YTHDF2: variants seen among roughly 807,000 people sequenced by gnomAD.
YTHDF2 encodes the protein YTH N6-methyladenosine RNA binding protein F2.
A neutral mutation model predicts 50.4 loss-of-function variants in YTHDF2; 2 were observed. That is an observed-to-expected ratio of 0.04 (90% CI 0.02 to 0.12). The LOEUF (loss-of-function observed/expected upper bound fraction) is 0.12. YTHDF2 is among the 10% of genes least tolerant of loss of function. The pLI is 1.00. For missense variants in YTHDF2, 483 were observed against 722.6 expected (o/e 0.67, Z 3.80); for synonymous variants, 217 against 255.6 (o/e 0.85, Z 1.44).
chr1:28,754,216 T>C (rs2088002362), intron 4 of YTHDF2, among the ~76,000 whole-genome samples: 1 of 152,140 alleles, frequency 6.6e-6, no homozygotes. Context: ...AATGGAAGCT[T>C]AGGAAAGCAA....
rs60729215 is a variant in YTHDF2 at position 28,749,179 on chromosome 1, C to CTT, written c.1716+5215_1716+5216dup. Reference sequence around the variant, plus strand: ...AACAGTTAAGAGCCTTTCTTTCTTCCTTTTTTTTTTTTTTTTTTTTTTTGA... The same window carrying CTT: ...AACAGTTAAGAGCCTTTCTTTCTTCCTTTTTTTTTTTTTTTTTTTTTTTTTGA... On this transcript the variant is annotated intron_variant, in intron 4 of 4. Transcript: ENST00000373812. 3.6e-3 allele frequency among the ~76,000 whole-genome samples: 390 copies of CTT among 107,408 alleles called. 12 individuals carry two copies. Among genetic ancestry groups the CTT allele is most frequent in the African/African-American group, 0.012 (314 of 26,834 alleles). The allele number at this position is 107,408 out of a possible 152,430, so 70.5% of individuals were successfully genotyped here. A position where few individuals can be genotyped will look rare whatever the true frequency, so the allele number is the denominator to read the frequency against.
chr1:28,763,313 G>T lies in YTHDF2; in HGVS notation c.1717-5616G>T, dbSNP rs59640675. 9.5e-3 allele frequency among the ~76,000 whole-genome samples: 1,441 copies of T among 152,064 alleles called. 22 individuals are homozygous for T. Among genetic ancestry groups the T allele is most frequent in the African/African-American group, 0.033 (1,348 of 41,466 alleles). On this transcript the variant is annotated intron_variant, in intron 4 of 4. Transcript: ENST00000373812. ...ATTTGAGACAGAGTTTTGCTCTTTT[G>T]CCCAGGCTGGAGTGAAGTGGCGTGA... is the stretch of plus-strand genomic sequence containing the variant.
In YTHDF2 at chr1:28,742,613, C is replaced by T; in HGVS notation, c.343C>T (p.Pro115Ser). The change falls in exon 4 of 5, where the codon CCA becomes TCA. Residue 115 changes from proline (P) to serine (S), a missense_variant. Pro to Ser is a moderately conservative substitution (Grantham distance 74). Coordinates refer to ENST00000373812, the MANE Select transcript of YTHDF2 (RefSeq NM_016258.3). ...GCAACCAGGAGCCCTAGGTAGCACT[C>T]CATTTCTTGGTCAGCATGGTTTTAA... is the stretch of plus-strand genomic sequence containing the variant. ...FGQPGALGST[P>S]FLGQHGFNFF... The T allele has an allele frequency of 6.2e-7, 1 of 1,614,010 alleles. No individual in the cohort carries two copies. The highest frequency in any genetic ancestry group is 8.5e-7 in the Non-Finnish European group (1 of 1,179,956).
intron 3 of YTHDF2, among the ~76,000 whole-genome samples, chr1:28,742,046 A>ATTTTT (rs2087784204): frequency 9.9e-6 from 1 of 100,678 alleles, no homozygotes; most frequent in Admixed American, 1.1e-4. Flanking sequence ...TGTGCTGCAC[A>ATTTTT]CTTTTTTTTT....
At chr1:28,749,986 G>GGTTTTTT (rs762743600) in intron 4 of YTHDF2, among the ~76,000 whole-genome samples, 3 of 78,332 alleles carry the variant, frequency 3.8e-5, no homozygotes, top group Non-Finnish European at 6.7e-5. Context: ...AAAAAAGGTT[G>GGTTTTTT]TTTTTTTTTT....
In YTHDF2 at chr1:28,742,524, A is replaced by T. The variant is rs202034293; in HGVS notation, c.254A>T (p.Tyr85Phe). Residue 85 changes from tyrosine to phenylalanine, a missense_variant, in exon 4 of 5, where the codon TAC becomes TTC. By Grantham distance (22) the Tyr-to-Phe change is conservative (BLOSUM62 3). Around this residue, in one of 4 missense-constraint regions of YTHDF2, gnomAD observed 385 missense variants for 475.8 expected, o/e 0.81. Coordinates refer to ENST00000373812, the MANE Select transcript of YTHDF2 (RefSeq NM_016258.3). ...ACGGGGGGTGACACAGCCATGCCCT[A>T]CTTAACTTCTTATGGACAGCTGAGC... Reference protein sequence around the residue: ...WSTGGDTAMPYLTSYGQLSNG... With the variant: ...WSTGGDTAMPFLTSYGQLSNG... The T allele has an allele frequency of 9.5e-5, 154 of 1,613,746 alleles. No individual in the cohort carries two copies. Among genetic ancestry groups the T allele is most frequent in the Non-Finnish European group, 1.3e-4 (148 of 1,179,972 alleles).
At chr1:28,737,778 G>A in intron 2 of YTHDF2, 96 bp downstream of exon 2, 1 of 1,484,482 alleles carries the variant, frequency 6.7e-7, no homozygotes, top group South Asian at 1.2e-5. Context: ...AGGACCTTTC[G>A]GAAGCCGCTT....
chr1:28,740,849 G>A (rs2087765125), intron 3 of YTHDF2, among the ~76,000 whole-genome samples: 1 of 151,482 alleles, frequency 6.6e-6, no homozygotes, highest in African/African-American at 2.4e-5. Flanking sequence ...GACTACAGGC[G>A]CCCGCCACCA....
intron 2 of YTHDF2, 133 bp from the exon 3 acceptor site, chr1:28,738,126 T>C: frequency 1.4e-6 from 1 of 691,290 alleles, no homozygotes; most frequent in Non-Finnish European, 2.5e-6. Context: ...CACTGTCATC[T>C]CTTACCCTTT....
intron 4 of YTHDF2, among the ~76,000 whole-genome samples, chr1:28,765,262 A>C (rs1488668427): frequency 2.0e-5 from 3 of 152,078 alleles, no homozygotes; most frequent in African/African-American, 7.2e-5. Context: ...TCGGCCTCAA[A>C]GTACTGAGAT....
chr1:28,737,548 C>T (rs1008087756), intron 1 of YTHDF2, 110 bp from the exon 2 acceptor site: 17 of 1,464,956 alleles, frequency 1.2e-5, no homozygotes, highest in African/African-American at 5.6e-5. Context: ...TGACGCCTCC[C>T]CTCGGGCCTG....
In YTHDF2 at chr1:28,738,267, G is replaced by A. The variant is rs1557537715; in HGVS notation, c.61G>A (p.Gly21Arg). The change falls in exon 3 of 5, where the codon GGA becomes AGA. Residue 21 changes from glycine to arginine, a missense_variant. Gly to Arg is a moderately radical substitution (Grantham distance 125, BLOSUM62 -2). This residue lies in a region of YTHDF2 where 385 missense variants were observed against 475.8 expected (regional missense o/e 0.81). Coordinates refer to ENST00000373812, the MANE Select transcript of YTHDF2 (RefSeq NM_016258.3). ...AATTTTTTTTTCTTTAGTACAAAATGGATCTGTACATCAAAAGGATGGATT... is the reference window on the plus strand; with the variant it reads ...AATTTTTTTTTCTTTAGTACAAAATAGATCTGTACATCAAAAGGATGGATT... ...PKGQGNKVQNGSVHQKDGLND... is the reference protein window; with the variant it reads ...PKGQGNKVQNRSVHQKDGLND... The A allele has an allele frequency of 6.2e-7, 1 of 1,613,538 alleles. No individual in the cohort carries two copies. The highest frequency in any genetic ancestry group is 1.3e-5 in the African/African-American group (1 of 74,992).
chr1:28,757,889 C>A (rs1311179613), intron 4 of YTHDF2, among the ~76,000 whole-genome samples: 1 of 151,984 alleles, frequency 6.6e-6, no homozygotes, highest in African/African-American at 2.4e-5. Flanking sequence ...ATAATATTTA[C>A]CCATATTTAG....
In YTHDF2 at chr1:28,742,610, A is replaced by G; in HGVS notation, c.340A>G (p.Thr114Ala). The change falls in exon 4 of 5, where the codon ACT becomes GCT. Residue 114 changes from threonine (T) to alanine (A), a missense_variant. Around this residue, in one of 4 missense-constraint regions of YTHDF2, gnomAD observed 385 missense variants for 475.8 expected, o/e 0.81. Coordinates refer to ENST00000373812, the MANE Select transcript of YTHDF2 (RefSeq NM_016258.3). ...MFGQPGALGS[T>A]PFLGQHGFNF... Reference sequence around the variant, plus strand: ...TGGGCAACCAGGAGCCCTAGGTAGCACTCCATTTCTTGGTCAGCATGGTTT... The same window carrying G: ...TGGGCAACCAGGAGCCCTAGGTAGCGCTCCATTTCTTGGTCAGCATGGTTT... 1 of 1,613,552 alleles carries G rather than the reference A, an allele frequency of 6.2e-7. No homozygotes were observed. Among genetic ancestry groups the G allele is most frequent in the Non-Finnish European group, 8.5e-7 (1 of 1,179,862 alleles).
In YTHDF2 at chr1:28,756,252, G is replaced by A. The variant is rs74669028; in HGVS notation, c.1716+12266G>A. Among the ~76,000 whole-genome samples, 143 of 152,276 alleles carry A rather than the reference G, an allele frequency of 9.4e-4. 3 individuals carry two copies. In the East Asian group the frequency reaches 0.024, roughly 25 times the overall value. ...ACAGAGTTGAATATGAAGAATGGCA[G>A]CATTTTGATTTTGATGTGGCTAAAG... is the stretch of plus-strand genomic sequence containing the variant. On this transcript the variant is annotated intron_variant, in intron 4 of 4. Coordinates refer to ENST00000373812, the MANE Select transcript of YTHDF2 (RefSeq NM_016258.3).
In YTHDF2 at chr1:28,737,142, G is replaced by A. The variant is rs1308604245; in HGVS notation, c.22G>A (p.Glu8Lys). The change falls in exon 1 of 5, where the codon GAG becomes AAG. Residue 8 changes from glutamate to lysine, a missense_variant. By Grantham distance (56) the Glu-to-Lys change is moderately conservative (BLOSUM62 1). This residue lies in a region of YTHDF2 where 385 missense variants were observed against 475.8 expected (regional missense o/e 0.81). Coordinates refer to ENST00000373812, the MANE Select transcript of YTHDF2 (RefSeq NM_016258.3). MSASSLL[E>K]QRPKGQGNKV... ...AGCCATGTCGGCCAGCAGCCTCTTG[G>A]AGCAGGTACAGGCCCGGCCCGCATG... 1.3e-6 allele frequency: 2 copies of A among 1,599,698 alleles called. No homozygotes were observed. The highest frequency in any genetic ancestry group is 1.7e-6 in the Non-Finnish European group (2 of 1,175,172).
chr1:28,756,042 A>G (rs1419443347), intron 4 of YTHDF2, among the ~76,000 whole-genome samples: 1 of 152,192 alleles, frequency 6.6e-6, no homozygotes, highest in Non-Finnish European at 1.5e-5. Flanking sequence ...CTTTGCTATT[A>G]GAGACTTGAA....
At chr1:28,750,575 CAG>C (rs1455791017) in intron 4 of YTHDF2, among the ~76,000 whole-genome samples, 8 of 152,094 alleles carry the variant, frequency 5.3e-5, no homozygotes, top group African/African-American at 1.7e-4. Flanking sequence ...TCCTTTGAAA[CAG>C]ATCTTTTTAG....
intron 4 of YTHDF2, among the ~76,000 whole-genome samples, chr1:28,746,593 CAAAAAA>C (rs35500198): frequency 7.5e-6 from 1 of 132,504 alleles, no homozygotes; most frequent in East Asian, 2.0e-4. Flanking sequence ...AAAAATACTA[CAAAAAA>C]AAAAAAAAAA....
Sources: allele counts gnomAD v4.1 joint callset (sites outside exome capture counted in the v4.1 genomes callset), GRCh38; gene constraint gnomAD v4.1.1; regional missense constraint gnomAD v4.1.1; transcripts MANE v1.5; gene names NCBI Gene and HGNC (gene_info 2026-07-23, HGNC 2026-07-21).